CDYL: variants seen among roughly 807,000 people sequenced by gnomAD.
CDYL encodes chromodomain Y like, also known as chromodomain Y-like protein.
CDYL carries 8 observed loss-of-function variants against 47.3 expected under a neutral mutation model. That is an observed-to-expected ratio of 0.17 (90% CI 0.10 to 0.31). The LOEUF (loss-of-function observed/expected upper bound fraction) is 0.31, where lower values mean the gene tolerates loss of function less well. CDYL is among the 10% of genes least tolerant of loss of function. CDYL has a pLI of 1.00. For missense variants in CDYL, 471 were observed against 701.4 expected, an observed-to-expected ratio of 0.67 and a Z score of 3.71; for synonymous variants, 266 against 265.0, an observed-to-expected ratio of 1.00 and a Z score of -0.04.
chr6:4,764,602 T>C (rs954524538), intron 3 of CDYL, among the ~76,000 whole-genome samples: 8 of 152,194 alleles, frequency 5.3e-5, no homozygotes, highest in Non-Finnish European at 7.3e-5. Flanking sequence ...GTAGGTATCT[T>C]AATATCAAAG....
intron 5 of CDYL, among the ~76,000 whole-genome samples, chr6:4,948,764 G>A (rs1305814582): frequency 2.6e-5 from 4 of 152,224 alleles, no homozygotes; most frequent in Non-Finnish European, 4.4e-5. Flanking sequence ...ACTCAAGAGC[G>A]AAGAGCCTGC....
chr6:4,900,817 A>AGATATATATC (rs1757021613), intron 2 of CDYL, among the ~76,000 whole-genome samples: 1 of 84,698 alleles, frequency 1.2e-5, no homozygotes, highest in African/African-American at 4.1e-5. Context: ...ATATATATAT[A>AGATATATATC]TATATATATA....
chr6:4,937,383 C>A (rs1758228209), intron 3 of CDYL, among the ~76,000 whole-genome samples, 182 bp from the exon 4 acceptor site: 1 of 152,072 alleles, frequency 6.6e-6, no homozygotes, highest in Non-Finnish European at 1.5e-5. Context: ...GTAGTCCCAG[C>A]TACTTAGGAG....
chr6:4,928,755 C>T (rs1757951322), intron 2 of CDYL: 1 of 152,010 alleles, frequency 6.6e-6, no homozygotes, highest in South Asian at 2.1e-4. Context: ...TTTATTTTTT[C>T]TCTTTCCTTG....
At chr6:4,716,901 T>C (rs1411210914) in intron 2 of CDYL, among the ~76,000 whole-genome samples, 15 of 152,018 alleles carry the variant, frequency 9.9e-5, no homozygotes, top group Admixed American at 8.5e-4. Flanking sequence ...ATTGATACCA[T>C]ACAAGTAGCA....
Position 4,888,250 on chromosome 6 carries a change from G to C in CDYL, c.25-3463G>C, listed in dbSNP as rs1761950835. ...TACTGGAAGAGTTTATGAAGAACAGGTATTTTTAAAAATTTTGGTAGAATT... is the reference window on the plus strand; with the variant it reads ...TACTGGAAGAGTTTATGAAGAACAGCTATTTTTAAAAATTTTGGTAGAATT... On this transcript the variant is annotated intron_variant, in intron 1 of 6. Coordinates refer to ENST00000397588, the MANE Select transcript of CDYL (RefSeq NM_004824.4). Among the ~76,000 whole-genome samples the C allele has an allele frequency of 2.0e-5, 3 of 152,134 alleles. No individual in the cohort carries two copies. In the South Asian group the frequency reaches 6.2e-4, roughly 32 times the overall value.
In CDYL at chr6:4,890,128, T is replaced by G. The variant is rs1367671027; in HGVS notation, c.25-1585T>G. ...TTCTGGAGTGGACATTGATTTAAGGTGGGTTGGGCAGGAGGCAGGGGGAAC... is the reference window on the plus strand; with the variant it reads ...TTCTGGAGTGGACATTGATTTAAGGGGGGTTGGGCAGGAGGCAGGGGGAAC... On this transcript the variant is annotated intron_variant, in intron 1 of 6. Coordinates refer to ENST00000397588, the MANE Select transcript of CDYL (RefSeq NM_004824.4). 5.1e-6 allele frequency: 5 copies of G among 985,294 alleles called. No individual in the cohort carries two copies. The African/African-American group carries it at 7.0e-5, about 14-fold the overall frequency. 61.0% of individuals were successfully genotyped at this position (985,294 alleles called of 1,614,324 possible).
chr6:4,926,168 A>G (rs1240237194), intron 2 of CDYL, among the ~76,000 whole-genome samples: 1 of 152,204 alleles, frequency 6.6e-6, no homozygotes, highest in East Asian at 1.9e-4. Context: ...TATTTAACAC[A>G]TTATGAAGAA....
At chr6:4,887,769 C>G (rs543058714) in intron 1 of CDYL, among the ~76,000 whole-genome samples, 1 of 152,120 alleles carries the variant, frequency 6.6e-6, no homozygotes, top group Non-Finnish European at 1.5e-5. Context: ...TTTTTCTGAT[C>G]TTAGGGGGAA....
chr6:4,863,993 C>G (rs938473082), intron 1 of CDYL, among the ~76,000 whole-genome samples: 52 of 152,100 alleles, frequency 3.4e-4, no homozygotes, highest in African/African-American at 1.3e-3. Flanking sequence ...AGTACAGACC[C>G]TCAAAGGTAA....
chr6:4,746,422 T>C (rs2127418598), intron 3 of CDYL, among the ~76,000 whole-genome samples: 1 of 151,484 alleles, frequency 6.6e-6, no homozygotes, highest in South Asian at 2.1e-4. Context: ...GAAAGATGAC[T>C]TCAATGAAGG....
chr6:4,782,935 A>G (rs1457034135), intron 1 of CDYL, among the ~76,000 whole-genome samples: 2 of 152,344 alleles, frequency 1.3e-5, no homozygotes, highest in East Asian at 3.9e-4. Context: ...TTTTGCAGCT[A>G]TGCATACATG....
intron 2 of CDYL, among the ~76,000 whole-genome samples, chr6:4,918,379 C>T (rs7739277): frequency 0.76 from 114,905 of 150,684 alleles, 43,752 homozygotes; most frequent in East Asian, 0.84. Context: ...GCCCCCCCCC[C>T]TTTTTTTTGG....
chr6:4,776,893 G>T (rs890441402), intron 1 of CDYL, 86 bp downstream of exon 1: 13 of 543,038 alleles, frequency 2.4e-5, no homozygotes, highest in Non-Finnish European at 2.6e-5. Flanking sequence ...CCCGCTCGCC[G>T]CCCGCGCCCG....
At chr6:4,795,198 GTT>G (rs1284407575) in intron 1 of CDYL, among the ~76,000 whole-genome samples, 2 of 151,758 alleles carry the variant, frequency 1.3e-5, no homozygotes, top group Non-Finnish European at 2.9e-5. Flanking sequence ...CTTGTGAAGA[GTT>G]TTAAATCTTG....
chr6:4,732,032 T>C lies in CDYL; in HGVS notation c.104-2730T>C, dbSNP rs557934573. 2.7e-4 allele frequency among the ~76,000 whole-genome samples: 41 copies of C among 152,236 alleles called. 2 individuals are homozygous for C. The South Asian group carries it at 7.7e-3, about 28-fold the overall frequency. The stretch of plus-strand genomic sequence containing the variant: ...ATAATTTAAAAGTAATATGTAGAGT[T>C]GATTTAAAATAGGAAAAAATGACTG... On this transcript the variant is annotated intron_variant, in intron 2 of 8. Transcript: ENST00000328908.
chr6:4,898,828 C>A (rs563393674), intron 2 of CDYL, among the ~76,000 whole-genome samples: 1 of 152,192 alleles, frequency 6.6e-6, no homozygotes. Context: ...CTTAATAAAT[C>A]TGCATTATTT....
intron 1 of CDYL, among the ~76,000 whole-genome samples, chr6:4,887,347 T>A (rs1761925211): frequency 6.6e-6 from 1 of 152,202 alleles, no homozygotes; most frequent in Non-Finnish European, 1.5e-5. Context: ...TGTCTTTCCA[T>A]TTAATTAGAT....
chr6:4,933,568 GA>G (rs144924898), intron 2 of CDYL, among the ~76,000 whole-genome samples: 170 of 152,274 alleles, frequency 1.1e-3, no homozygotes, highest in Non-Finnish European at 1.5e-3. Flanking sequence ...GAGACTGGAG[GA>G]ACAGATTAGA....
Sources: allele counts gnomAD v4.1 joint callset (sites outside exome capture counted in the v4.1 genomes callset), GRCh38; gene constraint gnomAD v4.1.1; transcripts MANE v1.5; gene names NCBI Gene and HGNC (gene_info 2026-07-23, HGNC 2026-07-21).